Variants in PHLPP2 observed in about 807,000 individuals in gnomAD.
PHLPP2 encodes PH domain leucine-rich repeat-containing protein phosphatase 2.
PHLPP2 carries 66 observed loss-of-function variants against 124.9 expected under a neutral mutation model. That is an observed-to-expected ratio of 0.53 (90% CI 0.43 to 0.65). The LOEUF (loss-of-function observed/expected upper bound fraction) is 0.65, where lower values mean the gene tolerates loss of function less well. Ranked by LOEUF, PHLPP2 falls within the 30% of genes least tolerant of loss-of-function variation. The pLI is 0.00. For synonymous variants in PHLPP2, 681 were observed against 624.7 expected (o/e 1.09, Z -1.34); for missense variants, 1,685 against 1,600.4 (o/e 1.05, Z -0.90).
At chr16:71,684,442 T>C (rs745765238) in intron 5 of PHLPP2, 34 bp downstream of exon 5, 5 of 1,611,432 alleles carry the variant, frequency 3.1e-6, no homozygotes, top group South Asian at 1.1e-5. Flanking sequence ...TCTCTATTCT[T>C]ATCTCCACAT....
At chr16:71,702,912 T>G (rs944064418) in intron 2 of PHLPP2, among the ~76,000 whole-genome samples, 181 bp from the exon 3 acceptor site, 6 of 152,280 alleles carry the variant, frequency 3.9e-5, no homozygotes, top group African/African-American at 1.4e-4. Flanking sequence ...TCATGTATAT[T>G]GTATTCATTA....
chr16:71,665,036 G>A (rs912579439), intron 12 of PHLPP2, among the ~76,000 whole-genome samples: 7 of 152,138 alleles, frequency 4.6e-5, no homozygotes, highest in African/African-American at 1.7e-4. Context: ...CCGGCTGGGC[G>A]AGGTGGCTCA....
At chr16:71,711,274 T>G (rs900357082) in intron 2 of PHLPP2, among the ~76,000 whole-genome samples, 1 of 148,938 alleles carries the variant, frequency 6.7e-6, no homozygotes, top group Non-Finnish European at 1.5e-5. Flanking sequence ...GAGGTTGCAG[T>G]GAGCCGAGAT....
chr16:71,703,568 G>C (rs1413160027), intron 2 of PHLPP2, among the ~76,000 whole-genome samples: 1 of 152,024 alleles, frequency 6.6e-6, no homozygotes, highest in Middle Eastern at 3.2e-3. Flanking sequence ...ATAATAGCAA[G>C]ACAGCTCTTT....
rs560456900 is a variant in PHLPP2, at chr16:71,679,246, G to A, written c.1037+143C>T. On this transcript the variant is annotated intron_variant, in intron 7 of 18. Transcript: ENST00000568954. ...CTGCTATGGGCAGGTATATCTCTGA[G>A]GTCAAAAACTGCTGCTGACTAGAAT... is the stretch of plus-strand genomic sequence containing the variant. 3 of 730,292 alleles carry A rather than the reference G, an allele frequency of 4.1e-6. No individual in the cohort carries two copies. The East Asian group carries it at 8.0e-5, about 19-fold the overall frequency. 45.2% of individuals were successfully genotyped at this position (730,292 alleles called of 1,614,324 possible).
chr16:71,706,012 G>A (rs923982540), intron 2 of PHLPP2, among the ~76,000 whole-genome samples: 2 of 152,280 alleles, frequency 1.3e-5, no homozygotes, highest in South Asian at 4.1e-4. Context: ...AGTTCCAAAA[G>A]TTTAAGAATC....
intron 3 of PHLPP2, among the ~76,000 whole-genome samples, chr16:71,691,339 T>C (rs534074771): frequency 6.6e-6 from 1 of 152,100 alleles, no homozygotes; most frequent in South Asian, 2.1e-4. Context: ...CGGACACCTA[T>C]AGTCCCAGCT....
At chr16:71,718,873 G>A (rs2045380423) in intron 1 of PHLPP2, among the ~76,000 whole-genome samples, 1 of 152,108 alleles carries the variant, frequency 6.6e-6, no homozygotes, top group Admixed American at 6.5e-5. Context: ...CCTGACCGAT[G>A]GGCACTTAAA....
At chr16:71,660,426 T>G (rs1217156901) in intron 13 of PHLPP2, among the ~76,000 whole-genome samples, 10 of 136,728 alleles carry the variant, frequency 7.3e-5, no homozygotes, top group African/African-American at 2.4e-4. Context: ...ACTGTATTTT[T>G]TTTTTTTTTT....
In PHLPP2 at chr16:71,652,851, C is replaced by A; in HGVS notation, c.2756G>T (p.Ser919Ile). The A allele has an allele frequency of 1.2e-6, 2 of 1,614,166 alleles. No homozygotes were observed. The highest frequency in any genetic ancestry group is 1.7e-6 in the Non-Finnish European group (2 of 1,180,034). Reference protein sequence around the residue: ...GKPVPLSKVFSLEQDPEEAQR... With the variant: ...GKPVPLSKVFILEQDPEEAQR... ...AGCCTCCTCTGGGTCCTGCTCCAGGCTGAAGACTTTAGAGAGGGGCACTGG... is the reference window on the plus strand; with the variant it reads ...AGCCTCCTCTGGGTCCTGCTCCAGGATGAAGACTTTAGAGAGGGGCACTGG... Residue 919 changes from serine to isoleucine, a missense_variant, in exon 18 of 19, where the codon AGC (serine) becomes ATC (isoleucine). By Grantham distance (142) the Ser-to-Ile change is moderately radical (BLOSUM62 -2). Transcript: ENST00000568954.
chr16:71,671,982 T>C (rs2044898015), intron 10 of PHLPP2, among the ~76,000 whole-genome samples: 1 of 152,186 alleles, frequency 6.6e-6, no homozygotes, highest in South Asian at 2.1e-4. Context: ...AAAACGGGAA[T>C]CAGTGCCTTG....
chr16:71,714,952 T>C (rs1376623881), intron 1 of PHLPP2, 151 bp from the exon 2 acceptor site: 2 of 910,818 alleles, frequency 2.2e-6, no homozygotes, highest in Non-Finnish European at 3.2e-6. Flanking sequence ...TCTATCATGC[T>C]CATTCGTAAT....
At chr16:71,674,948 G>A (rs908821927) in intron 9 of PHLPP2, among the ~76,000 whole-genome samples, 1 of 152,218 alleles carries the variant, frequency 6.6e-6, no homozygotes, top group Non-Finnish European at 1.5e-5. Context: ...AGTGAGCTGA[G>A]ACCAGGCAAC....
intron 17 of PHLPP2, among the ~76,000 whole-genome samples, chr16:71,654,653 G>A (rs1257219709): frequency 1.3e-5 from 2 of 152,188 alleles, no homozygotes; most frequent in African/African-American, 4.8e-5. Flanking sequence ...TAGGCTAGGT[G>A]AAGCCATGAT....
In PHLPP2 at chr16:71,672,187, T is replaced by C. The variant is rs780908817; in HGVS notation, c.1532+75A>G. 3.4e-4 allele frequency: 376 copies of C among 1,096,676 alleles called. 2 individuals are homozygous for C. The Middle Eastern group carries it at 0.01, about 30-fold the overall frequency. The allele number at this position is 1,096,676 out of a possible 1,614,324, so 67.9% of individuals were successfully genotyped here. ...TCAAAATACTTAGATTTCTTGTACA[T>C]CAAAACTGCCAAAAAATCCACATGT... On this transcript the variant is annotated intron_variant, in intron 10 of 18. Transcript: ENST00000568954.
chr16:71,689,293 G>A lies in PHLPP2; in HGVS notation c.609+1226C>T, dbSNP rs182646225. On this transcript the variant is annotated intron_variant, in intron 4 of 18. Transcript: ENST00000568954. ...TACGGTAGCACGATCACAGCTCACA[G>A]CAACTCGAACTCCTGGGCTCAAGCC... Among the ~76,000 whole-genome samples the A allele has an allele frequency of 2.0e-5, 3 of 150,490 alleles. No homozygotes were observed. In the Admixed American group the frequency reaches 2.0e-4, roughly 10 times the overall value.
At chr16:71,709,307 G>A (rs13334187) in intron 2 of PHLPP2, among the ~76,000 whole-genome samples, 5,700 of 152,106 alleles carry the variant, frequency 0.037, 355 homozygotes, top group African/African-American at 0.13. Flanking sequence ...ATGGGAATCA[G>A]AACTCAGCAT....
intron 17 of PHLPP2, among the ~76,000 whole-genome samples, chr16:71,653,781 T>A (rs1457933127): frequency 6.6e-6 from 1 of 152,160 alleles, no homozygotes; most frequent in Non-Finnish European, 1.5e-5. Flanking sequence ...TTGCAAAGTC[T>A]CTAGCTCAAT....
intron 13 of PHLPP2, among the ~76,000 whole-genome samples, chr16:71,659,045 G>T (rs1461646147): frequency 6.6e-6 from 1 of 152,120 alleles, no homozygotes; most frequent in Non-Finnish European, 1.5e-5. Context: ...AGGGCTGTTG[G>T]ATCTTGTGGG....
Sources: gnomAD v4.1 joint callset for allele counts (sites outside exome capture counted in the v4.1 genomes callset) on GRCh38, gnomAD v4.1.1 for gene constraint, MANE v1.5 for transcripts, NCBI Gene and HGNC (gene_info 2026-07-23, HGNC 2026-07-21) for gene names.